ZNF503: variants seen among roughly 807,000 people sequenced by gnomAD.
ZNF503 encodes zinc finger protein 503.
A neutral mutation model predicts 34.4 loss-of-function variants in ZNF503; 15 were observed. The observed-to-expected ratio is 0.44, with a 90% CI of 0.29 to 0.67. The LOEUF (loss-of-function observed/expected upper bound fraction) is 0.67. Among genes scored for constraint, ZNF503 ranks in the 30% least tolerant of loss-of-function variants. ZNF503 has a pLI of 0.13. For missense variants in ZNF503, 1,007 were observed against 926.8 expected (o/e 1.09, Z -1.12); for synonymous variants, 580 against 456.8 (o/e 1.27, Z -3.44).
the ZNF503 span, among the ~76,000 whole-genome samples, chr10:75,294,208 T>A: frequency 8.8e-4 from 134 of 152,268 alleles, no homozygotes; most frequent in African/African-American, 2.8e-3. Context: ...AAGGAGGAGA[T>A]CTTTGTGTTT....
the ZNF503 span, among the ~76,000 whole-genome samples, chr10:75,311,785 C>T: frequency 1.4e-5 from 2 of 145,214 alleles, no homozygotes; most frequent in African/African-American, 2.5e-5. Context: ...TCAGGTTTGT[C>T]TTTATTAGCA....
At chr10:75,280,922 A>C in the ZNF503 span, among the ~76,000 whole-genome samples, 1 of 152,084 alleles carries the variant, frequency 6.6e-6, no homozygotes, top group East Asian at 1.9e-4. Flanking sequence ...TAATGTGTGC[A>C]TGAGGGTGAT....
At chr10:75,297,386 C>T in the ZNF503 span, among the ~76,000 whole-genome samples, 8 of 152,172 alleles carry the variant, frequency 5.3e-5, no homozygotes, top group Non-Finnish European at 1.0e-4. Flanking sequence ...AAGAAATGTA[C>T]ATTAAGACCT....
the ZNF503 span, among the ~76,000 whole-genome samples, chr10:75,317,239 G>C: frequency 2.0e-5 from 3 of 147,782 alleles, no homozygotes; most frequent in African/African-American, 7.5e-5. Flanking sequence ...ACCACACCTG[G>C]CCCAACATCC....
At chr10:75,384,500 G>A in the ZNF503 span, among the ~76,000 whole-genome samples, 7 of 152,040 alleles carry the variant, frequency 4.6e-5, no homozygotes, top group Non-Finnish European at 1.0e-4. Context: ...ATAGCCCCAT[G>A]CCACACTCAG....
the ZNF503 span, among the ~76,000 whole-genome samples, chr10:75,370,560 C>G: frequency 3.3e-5 from 5 of 151,978 alleles, no homozygotes; most frequent in Non-Finnish European, 5.9e-5. Flanking sequence ...GCAGACGGAT[C>G]ATGAGGTCAG....
the ZNF503 span, among the ~76,000 whole-genome samples, chr10:75,329,432 TTC>T: frequency 2.2e-4 from 24 of 106,994 alleles, no homozygotes; most frequent in African/African-American, 6.4e-4. Flanking sequence ...CCTTCCTTCC[TTC>T]CTTTCTTTCT....
Position 75,398,939 on chromosome 10 carries a change from G to A in ZNF503, c.1751C>T (p.Pro584Leu). The A allele has an allele frequency of 6.3e-7, 1 of 1,596,102 alleles. No individual in the cohort carries two copies. Among genetic ancestry groups the A allele is most frequent in the East Asian group, 2.2e-5 (1 of 44,510 alleles). ...HIPTSGAPGS[P>L]GTLALRSPHH... is the part of the protein sequence containing the mutation. ...GGGGCTGCGCAGCGCCAGCGTCCCA[G>A]GGCTGCCCGGTGCGCCCGAGGTGGG... Residue 584 changes from proline (P) to leucine (L), a missense_variant, in exon 2 of 2, where the codon CCT becomes CTT. Transcript: ENST00000372524.
At chr10:75,309,942 T>A in the ZNF503 span, among the ~76,000 whole-genome samples, 1 of 152,248 alleles carries the variant, frequency 6.6e-6, no homozygotes, top group African/African-American at 2.4e-5. Context: ...ACTGGTTATC[T>A]TTTTGTTACT....
the ZNF503 span, among the ~76,000 whole-genome samples, chr10:75,321,367 G>C: frequency 6.6e-6 from 1 of 152,144 alleles, no homozygotes; most frequent in African/African-American, 2.4e-5. Context: ...ACCAGAATGG[G>C]GATATTGCTA....
the ZNF503 span, among the ~76,000 whole-genome samples, chr10:75,348,809 G>GTT: frequency 6.6e-6 from 1 of 152,144 alleles, no homozygotes; most frequent in African/African-American, 2.4e-5. Context: ...ACCGCACCCG[G>GTT]CCGCCCCTAT....
At chr10:75,297,064 CAT>C in the ZNF503 span, among the ~76,000 whole-genome samples, 4 of 152,150 alleles carry the variant, frequency 2.6e-5, no homozygotes, top group Non-Finnish European at 4.4e-5. Context: ...CCTTCTGCCA[CAT>C]GAGCCTTCTT....
At chr10:75,352,960 G>C in the ZNF503 span, among the ~76,000 whole-genome samples, 1 of 152,138 alleles carries the variant, frequency 6.6e-6, no homozygotes, top group Non-Finnish European at 1.5e-5. Context: ...GTTCTGTAGG[G>C]GGTGTTCTAG....
the ZNF503 span, among the ~76,000 whole-genome samples, chr10:75,381,655 A>T: frequency 2.6e-5 from 4 of 151,988 alleles, no homozygotes; most frequent in African/African-American, 9.7e-5. Flanking sequence ...AACAAAATAG[A>T]ACTTTGAGTC....
At chr10:75,337,441 G>A in the ZNF503 span, among the ~76,000 whole-genome samples, 1 of 151,922 alleles carries the variant, frequency 6.6e-6, no homozygotes, top group Admixed American at 6.6e-5. Context: ...TGGCCAACAC[G>A]GTGAAACCCC....
chr10:75,310,640 AG>A, the ZNF503 span, among the ~76,000 whole-genome samples: 1 of 152,228 alleles, frequency 6.6e-6, no homozygotes, highest in African/African-American at 2.4e-5. Flanking sequence ...GTAAGGAGCA[AG>A]GACTTTCATT....
rs1843811221 is a variant in ZNF503 at position 75,401,342 on chromosome 10, G to GCTGCCTCCGCCT, written c.77_78insAGGCGGAGGCAG (p.Gly27_Ala28insGlyGlySerGly). The GCTGCCTCCGCCT allele has an allele frequency of 2.6e-6, 4 of 1,538,544 alleles. No individual in the cohort carries two copies. Among genetic ancestry groups the GCTGCCTCCGCCT allele is most frequent in the Non-Finnish European group, 3.5e-6 (4 of 1,146,316 alleles). On this transcript the variant is annotated inframe_insertion, in exon 1 of 2. Transcript: ENST00000372524. Reference sequence around the variant, plus strand: ...CGCTGGTCCAGGCAGGGTCTGCACCGCCGCCTCCGCCTCCGCCGCCGCCGC... The same window carrying GCTGCCTCCGCCT: ...CGCTGGTCCAGGCAGGGTCTGCACCGCTGCCTCCGCCTCCGCCTCCGCCTCCGCCGCCGCCGC...
the ZNF503 span, among the ~76,000 whole-genome samples, chr10:75,350,948 T>G: frequency 2.0e-5 from 3 of 151,202 alleles, no homozygotes; most frequent in African/African-American, 7.4e-5. Flanking sequence ...TCCTGCCACA[T>G]GGGGCTACTT....
the ZNF503 span, among the ~76,000 whole-genome samples, chr10:75,312,528 A>C: frequency 6.6e-6 from 1 of 152,186 alleles, no homozygotes; most frequent in African/African-American, 2.4e-5. Context: ...GAATCCAGTA[A>C]GGAAAGGAGA....
Sources: allele counts gnomAD v4.1 joint callset (sites outside exome capture counted in the v4.1 genomes callset), GRCh38; gene constraint gnomAD v4.1.1; transcripts MANE v1.5; gene names NCBI Gene and HGNC (gene_info 2026-07-23, HGNC 2026-07-21).